APC: variants seen among roughly 807,000 people sequenced by gnomAD.
APC encodes adenomatous polyposis coli protein.
APC carries 72 observed loss-of-function variants against 247.0 expected under a neutral mutation model. The ratio of observed to expected loss-of-function variants is 0.29; its 90% CI spans 0.24 to 0.35. The LOEUF (loss-of-function observed/expected upper bound fraction) is 0.35. Among genes scored for constraint, APC ranks in the 10% least tolerant of loss-of-function variants. APC has a pLI of 1.00. For missense variants in APC, 3,400 were observed against 3,360.7 expected, an observed-to-expected ratio of 1.01 and a Z score of -0.29; for synonymous variants, 1,254 against 1,162.5, an observed-to-expected ratio of 1.08 and a Z score of -1.60.
At chr5:112,813,267 G>T (rs1161660018) in intron 8 of APC, among the ~76,000 whole-genome samples, 2 of 152,128 alleles carry the variant, frequency 1.3e-5, no homozygotes, top group Admixed American at 6.6e-5. Context: ...TTAAAATGCT[G>T]ATCTAAAATA....
At chr5:112,829,584 C>A (rs1764104482) in intron 14 of APC, 1 of 153,752 alleles carries the variant, frequency 6.5e-6, no homozygotes, top group Non-Finnish European at 1.4e-5. Context: ...ACATTTTTGA[C>A]CAGATAATTC....
In APC at chr5:112,836,170, C is replaced by T. The variant is rs1036951313; in HGVS notation, c.1958+1005C>T. Among the ~76,000 whole-genome samples the T allele has an allele frequency of 2.1e-4, 14 of 67,754 alleles. 5 individuals are homozygous for T. Among genetic ancestry groups the T allele is most frequent in the Admixed American group, 5.3e-4 (4 of 7,588 alleles). 44.4% of individuals were successfully genotyped at this position (67,754 alleles called of 152,430 possible). A position where few individuals can be genotyped will look rare whatever the true frequency, so the allele number is the denominator to read the frequency against. Reference sequence around the variant, plus strand: ...CGAGTAGCTGGGATTACAGGTCCCCCCCCCCCCCCGCCACCGTGCCCGGCT... The same window carrying T: ...CGAGTAGCTGGGATTACAGGTCCCCTCCCCCCCCCGCCACCGTGCCCGGCT... On this transcript the variant is annotated intron_variant, in intron 15 of 15. Transcript: ENST00000257430.
rs189588133 is a variant in APC, at chr5:112,749,932, A to G, written c.-18-4941A>G. ...AGTTGTTTTTTTTTTTTTAAATCCA[A>G]CTTTTGGATGGTTTTCTTTTTCTCT... is the stretch of plus-strand genomic sequence containing the variant. On this transcript the variant is annotated intron_variant, in intron 1 of 15. Transcript: ENST00000257430. Among the ~76,000 whole-genome samples, 55 of 132,658 alleles carry G rather than the reference A, an allele frequency of 4.1e-4. No homozygotes were observed. In the East Asian group the frequency reaches 0.011, roughly 27 times the overall value. 87.0% of individuals were successfully genotyped at this position (132,658 alleles called of 152,430 possible).
At chr5:112,817,698 A>G (rs535815904) in intron 9 of APC, among the ~76,000 whole-genome samples, 1 of 152,318 alleles carries the variant, frequency 6.6e-6, no homozygotes, top group South Asian at 2.1e-4. Flanking sequence ...CCTAGTATGT[A>G]TTTTGAATGC....
At chr5:112,794,180 C>T (rs536913638) in intron 7 of APC, among the ~76,000 whole-genome samples, 1 of 152,208 alleles carries the variant, frequency 6.6e-6, no homozygotes, top group African/African-American at 2.4e-5. Context: ...GCAACCTCTG[C>T]TTCCTGGGTT....
intron 1 of APC, among the ~76,000 whole-genome samples, chr5:112,708,213 C>A (rs543185762): frequency 6.6e-6 from 1 of 152,242 alleles, no homozygotes; most frequent in Non-Finnish European, 1.5e-5. Flanking sequence ...GCTTCCCCAT[C>A]TTCCTCGTTT....
upstream of APC, among the ~76,000 whole-genome samples, chr5:112,734,793 GTTTT>G (rs71224873): frequency 2.4e-5 from 1 of 41,880 alleles, no homozygotes. Context: ...GTGTGTGTGT[GTTTT>G]TTTTTTTTTT....
chr5:112,833,493 T>C (rs551185352), intron 14 of APC, among the ~76,000 whole-genome samples: 2 of 152,246 alleles, frequency 1.3e-5, no homozygotes, highest in South Asian at 4.1e-4. Context: ...CTGGCTACTT[T>C]TTATATTTTT....
intron 15 of APC, among the ~76,000 whole-genome samples, chr5:112,836,009 CTTTTT>C (rs371484714): frequency 9.1e-4 from 97 of 106,338 alleles, no homozygotes; most frequent in African/African-American, 3.9e-3. Flanking sequence ...ATACAACTGT[CTTTTT>C]TTTTTTTTTT....
chr5:112,751,839 C>G (rs1416461818), intron 1 of APC, among the ~76,000 whole-genome samples: 1 of 151,874 alleles, frequency 6.6e-6, no homozygotes. Flanking sequence ...AGGACTATAT[C>G]CAGTGTTTCC....
At chr5:112,722,274 T>G (rs975881158) in intron 1 of APC, among the ~76,000 whole-genome samples, 3 of 152,246 alleles carry the variant, frequency 2.0e-5, no homozygotes, top group African/African-American at 7.2e-5. Flanking sequence ...TATGGCATTT[T>G]AAACACTGTG....
At position 112,818,848 on chromosome 5, in the gene APC, G is replaced by C. The variant is rs574834747; in HGVS notation, c.934-118G>C. On this transcript the variant is annotated intron_variant, in intron 9 of 15. Transcript: ENST00000257430. The stretch of plus-strand genomic sequence containing the variant: ...TCCGGTTTTTTGTTTTTTTTTTGGC[G>C]GGGGGGGTTGTTTTGTTTTTTTAGA... The C allele has an allele frequency of 1.0e-4, 90 of 898,544 alleles. 2 individuals are homozygous for C. In the African/African-American group the frequency reaches 1.5e-3, roughly 15 times the overall value. 55.7% of individuals were successfully genotyped at this position (898,544 alleles called of 1,614,324 possible).
At chr5:112,795,654 A>G (rs1208833057) in intron 7 of APC, among the ~76,000 whole-genome samples, 3 of 152,224 alleles carry the variant, frequency 2.0e-5, no homozygotes, top group African/African-American at 4.8e-5. Flanking sequence ...AAGACCAGCT[A>G]TATTTTTTAT....
At chr5:112,752,132 C>T (rs921964488) in intron 1 of APC, among the ~76,000 whole-genome samples, 2 of 151,944 alleles carry the variant, frequency 1.3e-5, no homozygotes. Flanking sequence ...AATTTGTTTG[C>T]ATAGAGTTGA....
At chr5:112,726,368 A>G (rs1249894486) in intron 1 of APC, among the ~76,000 whole-genome samples, 1 of 152,096 alleles carries the variant, frequency 6.6e-6, no homozygotes. Context: ...GAGTGGGAAG[A>G]TGATCTTCCC....
Position 112,842,407 on chromosome 5 carries a change from T to C in APC, c.6813T>C (p.Pro2271=), listed in dbSNP as rs1057520427. 4 of 1,614,066 alleles carry C rather than the reference T, an allele frequency of 2.5e-6. No homozygotes were observed. The highest frequency in any genetic ancestry group is 1.7e-6 in the Non-Finnish European group (2 of 1,179,950). The change falls in exon 16 of 16, where the codon CCT becomes CCC. Residue 2271 remains proline, a synonymous_variant. Transcript: ENST00000257430. ...AAGGTCAAACAGCCACCACTTCTCCTAGAGGAGCCAAGCCATCTGTGAAAT... is the reference window on the plus strand; with the variant it reads ...AAGGTCAAACAGCCACCACTTCTCCCAGAGGAGCCAAGCCATCTGTGAAAT... ...PSEGQTATTS[P]RGAKPSVKSE... is the part of the protein sequence containing the mutation.
intron 9 of APC, among the ~76,000 whole-genome samples, chr5:112,817,855 C>T (rs912878374): frequency 6.6e-6 from 1 of 152,140 alleles, no homozygotes; most frequent in African/African-American, 2.4e-5. Flanking sequence ...CAGCTTGCTC[C>T]TAAGAGGTGG....
In APC at chr5:112,771,439, T is replaced by C. The variant is rs148889746; in HGVS notation, c.422+4049T>C. On this transcript the variant is annotated intron_variant, in intron 4 of 15. Transcript: ENST00000257430. Reference sequence around the variant, plus strand: ...ATGCTTCCCATTTAGGTCTAATATGTTTGGGTGTTCTTGACTCTTGCTGTG... The same window carrying C: ...ATGCTTCCCATTTAGGTCTAATATGCTTGGGTGTTCTTGACTCTTGCTGTG... 2.0e-5 allele frequency among the ~76,000 whole-genome samples: 3 copies of C among 152,266 alleles called. No individual in the cohort carries two copies. The East Asian group carries it at 5.8e-4, about 29-fold the overall frequency.
rs150536971 is a variant in APC at position 112,809,709 on chromosome 5, G to A, written c.835-5786G>A. On this transcript the variant is annotated intron_variant, in intron 8 of 15. Transcript: ENST00000257430. ...TTGAAGTTAAATGGAAGGTTAAAAA[G>A]TAGAAGAGAGCAGTCAGGCGTGATG... Among the ~76,000 whole-genome samples, 529 of 152,032 alleles carry A rather than the reference G, an allele frequency of 3.5e-3. 1 individual carries two copies. Among genetic ancestry groups the A allele is most frequent in the African/African-American group, 0.012 (515 of 41,516 alleles).
Sources: gnomAD v4.1 joint callset for allele counts (sites outside exome capture counted in the v4.1 genomes callset) on GRCh38, gnomAD v4.1.1 for gene constraint, MANE v1.5 for transcripts, NCBI Gene and HGNC (gene_info 2026-07-23, HGNC 2026-07-21) for gene names.